Variants in OR7A5 observed in about 807,000 individuals in gnomAD.
OR7A5 encodes olfactory receptor 7A5.
For synonymous variants in OR7A5, 140 were observed against 146.7 expected, an observed-to-expected ratio of 0.95 and a Z score of 0.33; for missense variants, 319 against 377.9, an observed-to-expected ratio of 0.84 and a Z score of 1.29.
At chr19:14,833,806 G>A (rs931923530) in intron 1 of OR7A5, among the ~76,000 whole-genome samples, 5 of 138,308 alleles carry the variant, frequency 3.6e-5, no homozygotes, top group Non-Finnish European at 8.0e-5. Context: ...GAAATCTCAC[G>A]TCCATCAGCC....
chr19:14,830,093 C>T (rs1413802616), intron 1 of OR7A5, among the ~76,000 whole-genome samples: 1 of 152,154 alleles, frequency 6.6e-6, no homozygotes, highest in African/African-American at 2.4e-5. Flanking sequence ...GAACTCCTGG[C>T]CTCAAGTGAA....
intron 1 of OR7A5, among the ~76,000 whole-genome samples, chr19:14,834,240 C>T (rs1309827949): frequency 6.6e-6 from 1 of 152,100 alleles, no homozygotes; most frequent in Non-Finnish European, 1.5e-5. Context: ...CCAGTAGTAG[C>T]ATGGACAGAG....
chr19:14,831,572 G>A (rs966672826), intron 1 of OR7A5, among the ~76,000 whole-genome samples: 7 of 152,010 alleles, frequency 4.6e-5, no homozygotes, highest in African/African-American at 1.7e-4. Context: ...AGCCTCCTGA[G>A]TAGCTGGCAT....
chr19:14,834,632 G>A lies in OR7A5; in HGVS notation c.-14+442C>T, dbSNP rs547855759. Among the ~76,000 whole-genome samples the A allele has an allele frequency of 1.2e-4, 18 of 152,080 alleles. No individual in the cohort carries two copies. The South Asian group carries it at 3.3e-3, about 28-fold the overall frequency. On this transcript the variant is annotated intron_variant, in intron 1 of 1. Coordinates refer to ENST00000322301, the MANE Select transcript of OR7A5 (RefSeq NM_017506.2). ...GCAAAATGGTATTTGCAAGCAATCCGTTCATCTGGATTTTTCTCACGGGCA... is the reference window on the plus strand; with the variant it reads ...GCAAAATGGTATTTGCAAGCAATCCATTCATCTGGATTTTTCTCACGGGCA...
chr19:14,830,192 T>G (rs1329287618), intron 1 of OR7A5, among the ~76,000 whole-genome samples: 1 of 152,222 alleles, frequency 6.6e-6, no homozygotes, highest in Non-Finnish European at 1.5e-5. Context: ...CAGATTCTTT[T>G]TTCCCTACAG....
chr19:14,827,546 C>G lies in OR7A5; in HGVS notation c.696G>C (p.Gln232His), dbSNP rs371579357. The part of the protein sequence containing the change: ...ISSIHAISSA[Q>H]GKYKAFSTCA... ...AGGTGGAAAATGCCTTGTACTTCCC[C>G]TGAGCTGATGAGATTGCATGTATGG... is the stretch of plus-strand genomic sequence containing the variant. The change falls in exon 2 of 2, where the codon CAG becomes CAC. Residue 232 changes from glutamine (Q) to histidine (H), a missense_variant. Transcript: ENST00000322301. 1 of 1,614,138 alleles carries G rather than the reference C, an allele frequency of 6.2e-7. No individual in the cohort carries two copies. The highest frequency in any genetic ancestry group is 8.5e-7 in the Non-Finnish European group (1 of 1,180,026).
chr19:14,831,593 C>T lies in OR7A5; in HGVS notation c.-13-3339G>A, dbSNP rs562613347. 1.2e-4 allele frequency among the ~76,000 whole-genome samples: 19 copies of T among 152,032 alleles called. No individual in the cohort carries two copies. The South Asian group carries it at 3.9e-3, about 32-fold the overall frequency. On this transcript the variant is annotated intron_variant, in intron 1 of 1. Coordinates refer to ENST00000322301, the MANE Select transcript of OR7A5 (RefSeq NM_017506.2). ...CTGAGTAGCTGGCATTACAGGTGCC[C>T]GCCACTGTGCCCGGCTAATTTTTGT...
In OR7A5 at chr19:14,827,565, T is replaced by C. The variant is rs1266268683; in HGVS notation, c.677A>G (p.His226Arg). The change falls in exon 2 of 2, where the codon CAT becomes CGT. Residue 226 changes from histidine (H) to arginine (R), a missense_variant. Transcript: ENST00000322301. ...YSYSKIISSIHAISSAQGKYK... is the reference protein window; with the variant it reads ...YSYSKIISSIRAISSAQGKYK... ...CTTCCCCTGAGCTGATGAGATTGCATGTATGGAAGAAATTATCTTAGAGTA... is the reference window on the plus strand; with the variant it reads ...CTTCCCCTGAGCTGATGAGATTGCACGTATGGAAGAAATTATCTTAGAGTA... 3.7e-6 allele frequency: 6 copies of C among 1,613,990 alleles called. No homozygotes were observed. Among genetic ancestry groups the C allele is most frequent in the South Asian group, 1.1e-5 (1 of 91,082 alleles).
In OR7A5 at chr19:14,828,273, G is replaced by A. The variant is rs571545351; in HGVS notation, c.-13-19C>T. 2 of 1,567,848 alleles carry A rather than the reference G, an allele frequency of 1.3e-6. No individual in the cohort carries two copies. The highest frequency in any genetic ancestry group is 1.7e-6 in the Non-Finnish European group (2 of 1,155,074). The stretch of plus-strand genomic sequence containing the variant: ...GAAGTGACTATCAGAGAGAGAGAGA[G>A]AAAGAGGGAAACGAGACAGGCATGC... On this transcript the variant is annotated intron_variant, in intron 1 of 1. Transcript: ENST00000322301.
At chr19:14,834,527 A>G (rs2044865826) in intron 1 of OR7A5, among the ~76,000 whole-genome samples, 1 of 152,210 alleles carries the variant, frequency 6.6e-6, no homozygotes, top group African/African-American at 2.4e-5. Context: ...ATAGTCTCTC[A>G]CCTATTAAAT....
rs1042439678 is a variant in OR7A5 at position 14,826,559 on chromosome 19, T to C, written c.*723A>G. 1 of 152,178 alleles carries C rather than the reference T, an allele frequency of 6.6e-6. No individual in the cohort carries two copies. Among genetic ancestry groups the C allele is most frequent in the Non-Finnish European group, 1.5e-5 (1 of 68,038 alleles). The allele number at this position is 152,178 out of a possible 1,614,324, so 9.4% of individuals were successfully genotyped here. A position where few individuals can be genotyped will look rare whatever the true frequency, so the allele number is the denominator to read the frequency against. Reference sequence around the variant, plus strand: ...TACTTCAATGAGTCCATGCACATCATAAAAACAAGTCTTCCATAGCAATTC... The same window carrying C: ...TACTTCAATGAGTCCATGCACATCACAAAAACAAGTCTTCCATAGCAATTC... On this transcript the variant is annotated 3_prime_UTR_variant, in exon 2 of 2. Coordinates refer to ENST00000322301, the MANE Select transcript of OR7A5 (RefSeq NM_017506.2).
intron 1 of OR7A5, among the ~76,000 whole-genome samples, chr19:14,834,048 C>A (rs1322345281): frequency 6.6e-6 from 1 of 152,052 alleles, no homozygotes; most frequent in Non-Finnish European, 1.5e-5. Flanking sequence ...TTGCTTGAGC[C>A]CAGGAGTTCG....
Position 14,831,163 on chromosome 19 carries a change from A to G in OR7A5, c.-13-2909T>C, listed in dbSNP as rs190272482. On this transcript the variant is annotated intron_variant, in intron 1 of 1. Transcript: ENST00000322301. ...TGCCGGCCCCAGATAGCTGCTACCCATGACAAAAACTAATGATACCTTTTT... is the reference window on the plus strand; with the variant it reads ...TGCCGGCCCCAGATAGCTGCTACCCGTGACAAAAACTAATGATACCTTTTT... Among the ~76,000 whole-genome samples, 9 of 152,350 alleles carry G rather than the reference A, an allele frequency of 5.9e-5. No individual in the cohort carries two copies. In the East Asian group the frequency reaches 1.7e-3, roughly 29 times the overall value.
At position 14,827,500 on chromosome 19, in the gene OR7A5, C is replaced by T. The variant is rs767296017; in HGVS notation, c.742G>A (p.Val248Ile). Reference protein sequence around the residue: ...FSTCASHLSVVSLFYGAILGV... With the variant: ...FSTCASHLSVISLFYGAILGV... Reference sequence around the variant, plus strand: ...AGGATTGCACCATAAAATAAGGAGACAACTGAGAGGTGAGATGCACAGGTG... The same window carrying T: ...AGGATTGCACCATAAAATAAGGAGATAACTGAGAGGTGAGATGCACAGGTG... Residue 248 changes from valine to isoleucine, a missense_variant, in exon 2 of 2, where the codon GTC becomes ATC. By Grantham distance (29) the Val-to-Ile change is conservative. Transcript: ENST00000322301. 10 of 1,614,068 alleles carry T rather than the reference C, an allele frequency of 6.2e-6. No individual in the cohort carries two copies. The highest frequency in any genetic ancestry group is 5.0e-5 in the Admixed American group (3 of 60,002).
intron 1 of OR7A5, among the ~76,000 whole-genome samples, chr19:14,833,825 GA>G (rs2044857652): frequency 7.6e-6 from 1 of 132,140 alleles, no homozygotes; most frequent in Non-Finnish European, 1.7e-5. Flanking sequence ...CCTGAGCGGG[GA>G]TGGAGTGGGG....
intron 1 of OR7A5, among the ~76,000 whole-genome samples, chr19:14,831,536 C>T (rs1380111393): frequency 6.6e-6 from 1 of 152,012 alleles, no homozygotes; most frequent in African/African-American, 2.4e-5. Flanking sequence ...GCTCAGCCTC[C>T]CGGGTTCACG....
chr19:14,832,541 C>T (rs750793529), intron 1 of OR7A5, among the ~76,000 whole-genome samples: 38 of 151,732 alleles, frequency 2.5e-4, no homozygotes, highest in Non-Finnish European at 4.6e-4. Flanking sequence ...ATTCTCCTGC[C>T]TCAACCTCCC....
chr19:14,831,816 T>C (rs1240167311), intron 1 of OR7A5, among the ~76,000 whole-genome samples: 1 of 152,198 alleles, frequency 6.6e-6, no homozygotes, highest in Non-Finnish European at 1.5e-5. Context: ...TGAGCTTGTT[T>C]CTGGTCTTTG....
chr19:14,831,139 G>A (rs1485248672), intron 1 of OR7A5, among the ~76,000 whole-genome samples: 1 of 152,106 alleles, frequency 6.6e-6, no homozygotes, highest in Non-Finnish European at 1.5e-5. Flanking sequence ...CCTACATGAT[G>A]CCGGCCCCAG....
Sources: gnomAD v4.1 joint callset for allele counts (sites outside exome capture counted in the v4.1 genomes callset) on GRCh38, gnomAD v4.1.1 for gene constraint, MANE v1.5 for transcripts, NCBI Gene and HGNC (gene_info 2026-07-23, HGNC 2026-07-21) for gene names.